TAF9: variants seen among roughly 807,000 people sequenced by gnomAD.
The protein encoded by TAF9 is TATA-box binding protein associated factor 9.
A neutral mutation model predicts 16.5 loss-of-function variants in TAF9; 10 were observed. The ratio of observed to expected loss-of-function variants is 0.61; its 90% CI spans 0.37 to 1.03. The LOEUF (loss-of-function observed/expected upper bound fraction) is 1.03. TAF9 is among the 50% of genes least tolerant of loss of function. The pLI, the probability that TAF9 is intolerant of heterozygous loss-of-function variation, is 0.01. For missense variants in TAF9, 288 were observed against 319.1 expected (o/e 0.90, Z 0.74); for synonymous variants, 105 against 120.5 (o/e 0.87, Z 0.84).
In TAF9 at chr5:69,369,503, G is replaced by T; in HGVS notation, c.-151C>A. The T allele has an allele frequency of 6.2e-7, 1 of 1,611,334 alleles. No individual in the cohort carries two copies. Among genetic ancestry groups the T allele is most frequent in the Non-Finnish European group, 8.5e-7 (1 of 1,179,254 alleles). On this transcript the variant is annotated 5_prime_UTR_variant, in exon 1 of 3. Coordinates refer to ENST00000217893, the MANE Select transcript of TAF9 (RefSeq NM_003187.5). ...TCGGAAGCAACATGGTCCCCGCCGC[G>T]ACGGCTTCGGGCGCCTCGCTCACGT...
At chr5:69,368,738 T>TA (rs1003030835) in intron 1 of TAF9, 8 of 152,204 alleles carry the variant, frequency 5.3e-5, no homozygotes, top group African/African-American at 1.9e-4. Flanking sequence ...TACAATTTGA[T>TA]AAACACTTTC....
Position 69,364,917 on chromosome 5 carries a change from T to C in TAF9, c.*26A>G. On this transcript the variant is annotated 3_prime_UTR_variant, in exon 3 of 3. Transcript: ENST00000217893. Reference sequence around the variant, plus strand: ...AGTACAATGAATTCAAGACCAAGTATACATGTTACATTCAGCAAGGCTAGA... The same window carrying C: ...AGTACAATGAATTCAAGACCAAGTACACATGTTACATTCAGCAAGGCTAGA... 1 of 1,581,884 alleles carries C rather than the reference T, an allele frequency of 6.3e-7. No homozygotes were observed. Among genetic ancestry groups the C allele is most frequent in the Non-Finnish European group, 8.6e-7 (1 of 1,164,300 alleles).
chr5:69,366,793 T>C, intron 1 of TAF9, 198 bp from the exon 2 acceptor site: 1 of 559,036 alleles, frequency 1.8e-6, no homozygotes, highest in East Asian at 3.0e-5. Context: ...AGTTTCACTC[T>C]TGTCGCCCAG....
At position 69,366,611 on chromosome 5, in the gene TAF9, C is replaced by A. The variant is rs1423732951; in HGVS notation, c.-110-16G>T. 6.4e-7 allele frequency: 1 copy of A among 1,569,744 alleles called. No homozygotes were observed. The highest frequency in any genetic ancestry group is 8.8e-7 in the Non-Finnish European group (1 of 1,140,338). ...CCTGGTGTACCTGTAAGACAAGCCA[C>A]AGAAAAATACTGTTTGTGAAATACT... On this transcript the variant is annotated splice_polypyrimidine_tract_variant and intron_variant, in intron 1 of 2. Coordinates refer to ENST00000217893, the MANE Select transcript of TAF9 (RefSeq NM_003187.5).
intron 1 of TAF9, 85 bp from the exon 2 acceptor site, chr5:69,366,680 T>G (rs1276522813): frequency 2.0e-6 from 2 of 1,018,294 alleles, no homozygotes; most frequent in South Asian, 2.6e-5. Flanking sequence ...CTTTTATTTT[T>G]GAGACAGAGT....
At chr5:69,368,747 T>G (rs755530924) in intron 1 of TAF9, 1 of 152,210 alleles carries the variant, frequency 6.6e-6, no homozygotes, top group African/African-American at 2.4e-5. Context: ...ATAAACACTT[T>G]CAGGACTAAA....
chr5:69,369,534 T>C, upstream of TAF9: 2 of 1,611,270 alleles, frequency 1.2e-6, no homozygotes. Flanking sequence ...CACGTGCCCT[T>C]TGCTCTACAG....
chr5:69,367,814 G>A (rs2150743226), intron 1 of TAF9: 1 of 152,206 alleles, frequency 6.6e-6, no homozygotes, highest in South Asian at 2.1e-4. Context: ...CAAAGTGCTG[G>A]GATTTACAGG....
upstream of TAF9, chr5:69,369,708 C>T: frequency 1.3e-6 from 2 of 1,551,574 alleles, no homozygotes; most frequent in Non-Finnish European, 1.7e-6. Flanking sequence ...GGGCATAACT[C>T]GGGTCGGTAC....
rs756184782 is a variant in TAF9, at chr5:69,365,764, AT to A, written c.-17-11del. 12 of 1,493,194 alleles carry A rather than the reference AT, an allele frequency of 8.0e-6. No homozygotes were observed. The highest frequency in any genetic ancestry group is 1.4e-5 in the African/African-American group (1 of 71,402). The allele number at this position is 1,493,194 out of a possible 1,614,324, so 92.5% of individuals were successfully genotyped here. A position where few individuals can be genotyped will look rare whatever the true frequency, so the allele number is the denominator to read the frequency against. On this transcript the variant is annotated splice_polypyrimidine_tract_variant and intron_variant, in intron 2 of 2. Transcript: ENST00000217893. The stretch of plus-strand genomic sequence containing the variant: ...ATATCCGATGATCAGACTTTAGATC[AT>A]TTGAAAAAAATATGTACATTAGATC...
At chr5:69,365,859 T>A in intron 2 of TAF9, 105 bp from the exon 3 acceptor site, 1 of 799,458 alleles carries the variant, frequency 1.3e-6, no homozygotes, top group Non-Finnish European at 1.8e-6. Context: ...TGTTAAACTG[T>A]AAAAAAATTT....
At position 69,365,253 on chromosome 5, in the gene TAF9, A is replaced by G. The variant is rs766052340; in HGVS notation, c.485T>C (p.Leu162Pro). 5 of 1,614,064 alleles carry G rather than the reference A, an allele frequency of 3.1e-6. No homozygotes were observed. The African/African-American group carries it at 6.7e-5, about 22-fold the overall frequency. Residue 162 changes from leucine to proline, a missense_variant, in exon 3 of 3, where the codon CTA becomes CCA. Leu to Pro is a moderately conservative substitution (Grantham distance 98). Coordinates refer to ENST00000217893, the MANE Select transcript of TAF9 (RefSeq NM_003187.5). ...SVTSRPSTPT[L>P]GTPTPQTMSV... Reference sequence around the variant, plus strand: ...CATGGTCTGTGGGGTTGGTGTGCCTAGTGTGGGAGTACTTGGTCTGCTAGT... The same window carrying G: ...CATGGTCTGTGGGGTTGGTGTGCCTGGTGTGGGAGTACTTGGTCTGCTAGT...
rs1437174469 is a variant in TAF9 at position 69,365,211 on chromosome 5, A to G, written c.527T>C (p.Val176Ala). The G allele has an allele frequency of 2.5e-6, 4 of 1,614,092 alleles. No individual in the cohort carries two copies. The highest frequency in any genetic ancestry group is 2.7e-5 in the African/African-American group (2 of 74,930). The change falls in exon 3 of 3, where the codon GTA becomes GCA. Residue 176 changes from valine to alanine, a missense_variant. Val to Ala is a moderately conservative substitution (Grantham distance 64). Coordinates refer to ENST00000217893, the MANE Select transcript of TAF9 (RefSeq NM_003187.5). ...ACCTGTGAGGGACATGGGAGTCCCT[A>G]CTTTAGTTGAAACAGACATGGTCTG... is the stretch of plus-strand genomic sequence containing the variant. ...TPQTMSVSTKVGTPMSLTGQR... is the reference protein window; with the variant it reads ...TPQTMSVSTKAGTPMSLTGQR...
chr5:69,369,241 C>G (rs934854211), intron 1 of TAF9: 5 of 240,078 alleles, frequency 2.1e-5, no homozygotes, highest in Non-Finnish European at 3.9e-5. Flanking sequence ...CCCCCGCCCC[C>G]CCCCGGAGCC....
chr5:69,369,735 C>G, upstream of TAF9: 1 of 1,539,824 alleles, frequency 6.5e-7, no homozygotes, highest in Admixed American at 2.0e-5. Context: ...TCAGGCAGTG[C>G]GCTGGATGCC....
In TAF9 at chr5:69,365,109, T is replaced by C. The variant is rs1762362630; in HGVS notation, c.629A>G (p.Gln210Arg). ...KASIPATSAVQNVLINPSLIG... is the reference protein window; with the variant it reads ...KASIPATSAVRNVLINPSLIG... ...TAATGATGGATTAATCAGAACATTC[T>C]GAACTGCTGAGGTTGCAGGAATTGA... The change falls in exon 3 of 3, where the codon CAG becomes CGG. Residue 210 changes from glutamine (Q) to arginine (R), a missense_variant. Physicochemically the swap from Gln to Arg is conservative, Grantham distance 43. Transcript: ENST00000217893. 6.2e-7 allele frequency: 1 copy of C among 1,614,250 alleles called. No individual in the cohort carries two copies.
intron 1 of TAF9, chr5:69,367,923 G>C (rs1318094959): frequency 2.0e-5 from 3 of 152,206 alleles, no homozygotes; most frequent in African/African-American, 7.2e-5. Context: ...CCAGCAATTT[G>C]GGAGGAGAAG....
intron 1 of TAF9, among the ~76,000 whole-genome samples, chr5:69,368,194 A>T (rs1343702157): frequency 6.6e-6 from 1 of 152,322 alleles, no homozygotes; most frequent in East Asian, 1.9e-4. Context: ...TATAAATACA[A>T]CACATATTCC....
At position 69,365,220 on chromosome 5, in the gene TAF9, G is replaced by A. The variant is rs1215363056; in HGVS notation, c.518C>T (p.Ser173Leu). ...GTPTPQTMSVSTKVGTPMSLT... is the reference protein window; with the variant it reads ...GTPTPQTMSVLTKVGTPMSLT... Reference sequence around the variant, plus strand: ...GGACATGGGAGTCCCTACTTTAGTTGAAACAGACATGGTCTGTGGGGTTGG... The same window carrying A: ...GGACATGGGAGTCCCTACTTTAGTTAAAACAGACATGGTCTGTGGGGTTGG... Residue 173 changes from serine (S) to leucine (L), a missense_variant, in exon 3 of 3, where the codon TCA becomes TTA. Coordinates refer to ENST00000217893, the MANE Select transcript of TAF9 (RefSeq NM_003187.5). The A allele has an allele frequency of 1.2e-6, 2 of 1,614,068 alleles. No individual in the cohort carries two copies. Among genetic ancestry groups the A allele is most frequent in the African/African-American group, 1.3e-5 (1 of 74,926 alleles).
Sources: allele counts gnomAD v4.1 joint callset (sites outside exome capture counted in the v4.1 genomes callset), GRCh38; gene constraint gnomAD v4.1.1; transcripts MANE v1.5; gene names NCBI Gene and HGNC (gene_info 2026-07-23, HGNC 2026-07-21).